CCSER1: variants seen among roughly 807,000 people sequenced by gnomAD.
CCSER1 encodes serine-rich coiled-coil domain-containing protein 1.
A neutral mutation model predicts 82.0 loss-of-function variants in CCSER1; 41 were observed. That is an observed-to-expected ratio of 0.50 (90% confidence interval 0.39 to 0.65). The LOEUF is 0.65. Ranked by LOEUF, CCSER1 falls within the 30% of genes least tolerant of loss-of-function variation. The pLI is 0.00. For synonymous variants in CCSER1, 414 were observed against 383.9 expected, an observed-to-expected ratio of 1.08 and a Z score of -0.92; for missense variants, 1,119 against 1,064.2, an observed-to-expected ratio of 1.05 and a Z score of -0.72.
At chr4:91,124,195 G>A (rs1727315694) in intron 10 of CCSER1, among the ~76,000 whole-genome samples, 2 of 151,368 alleles carry the variant, frequency 1.3e-5, no homozygotes, top group African/African-American at 4.8e-5. Context: ...CTAAATATTG[G>A]TAAACTATAC....
chr4:90,314,228 A>C (rs1735773001), intron 3 of CCSER1, among the ~76,000 whole-genome samples: 1 of 152,166 alleles, frequency 6.6e-6, no homozygotes, highest in African/African-American at 2.4e-5. Context: ...ATGTGTTTAC[A>C]TTTGTACATA....
chr4:91,106,065 G>C (rs181573555), intron 10 of CCSER1, among the ~76,000 whole-genome samples: 1 of 152,290 alleles, frequency 6.6e-6, no homozygotes, highest in African/African-American at 2.4e-5. Context: ...CAGAATGTTA[G>C]ATAAGGAATT....
At chr4:91,593,506 G>T (rs371489918) in intron 10 of CCSER1, among the ~76,000 whole-genome samples, 5 of 110,908 alleles carry the variant, frequency 4.5e-5, no homozygotes, top group East Asian at 2.3e-4. Context: ...TACAGACAGG[G>T]TTTCACCATG....
intron 1 of CCSER1, among the ~76,000 whole-genome samples, chr4:90,233,703 C>T (rs1423882752): frequency 6.8e-6 from 1 of 147,640 alleles, no homozygotes; most frequent in Non-Finnish European, 1.5e-5. Flanking sequence ...AAAGCCTTCG[C>T]AGTGAAGTGG....
chr4:90,756,420 A>G (rs1749537704), intron 7 of CCSER1, among the ~76,000 whole-genome samples: 1 of 148,932 alleles, frequency 6.7e-6, no homozygotes. Flanking sequence ...CAACATTTTT[A>G]GGAATGTTTC....
In CCSER1 at chr4:91,333,997, T is replaced by C. The variant is rs532825820; in HGVS notation, c.2217+248003T>C. On this transcript the variant is annotated intron_variant, in intron 10 of 10. Coordinates refer to ENST00000509176, the MANE Select transcript of CCSER1 (RefSeq NM_001145065.2). ...GAAGTTATTAATGTGTTTTGGAAAATGGACATCATCTATGTATTTTACCAA... is the reference window on the plus strand; with the variant it reads ...GAAGTTATTAATGTGTTTTGGAAAACGGACATCATCTATGTATTTTACCAA... Among the ~76,000 whole-genome samples, 17 of 152,194 alleles carry C rather than the reference T, an allele frequency of 1.1e-4. No individual in the cohort carries two copies. In the South Asian group the frequency reaches 2.1e-3, roughly 19 times the overall value.
At chr4:90,703,544 C>T (rs973412645) in intron 6 of CCSER1, among the ~76,000 whole-genome samples, 11 of 152,104 alleles carry the variant, frequency 7.2e-5, no homozygotes, top group Non-Finnish European at 1.5e-4. Context: ...CTTTCTGTCT[C>T]GTTGATCTGT....
intron 5 of CCSER1, among the ~76,000 whole-genome samples, chr4:90,625,879 C>T (rs907693514): frequency 4.6e-5 from 7 of 152,092 alleles, no homozygotes; most frequent in Non-Finnish European, 7.3e-5. Context: ...CAAAGATATT[C>T]AAATTTGTGA....
chr4:90,748,577 G>T (rs1747961560), intron 7 of CCSER1, among the ~76,000 whole-genome samples: 1 of 149,698 alleles, frequency 6.7e-6, no homozygotes, highest in Admixed American at 6.7e-5. Flanking sequence ...GAGTCAAATG[G>T]TATTTCCAGT....
At chr4:91,276,454 T>C (rs1742452526) in intron 10 of CCSER1, among the ~76,000 whole-genome samples, 1 of 152,002 alleles carries the variant, frequency 6.6e-6, no homozygotes, top group Admixed American at 6.6e-5. Context: ...CAGTTTATGA[T>C]TAGTATATAA....
intron 10 of CCSER1, among the ~76,000 whole-genome samples, chr4:91,364,465 G>A (rs966094975): frequency 2.0e-5 from 3 of 152,028 alleles, no homozygotes; most frequent in Admixed American, 2.0e-4. Context: ...TAGCACATGA[G>A]CGTTTCTGAG....
intron 7 of CCSER1, among the ~76,000 whole-genome samples, chr4:90,734,854 C>A (rs568077086): frequency 6.6e-6 from 1 of 152,218 alleles, no homozygotes; most frequent in African/African-American, 2.4e-5. Flanking sequence ...ACTTCCAGCA[C>A]TATATTGAAT....
At chr4:90,555,253 A>C (rs1777991213) in intron 5 of CCSER1, among the ~76,000 whole-genome samples, 1 of 152,104 alleles carries the variant, frequency 6.6e-6, no homozygotes, top group Non-Finnish European at 1.5e-5. Context: ...CAAGCCTGGC[A>C]AAAAATTTTT....
At chr4:91,518,974 T>A (rs1280414492) in intron 10 of CCSER1, among the ~76,000 whole-genome samples, 1 of 152,206 alleles carries the variant, frequency 6.6e-6, no homozygotes, top group African/African-American at 2.4e-5. Context: ...TTCCAGCGTA[T>A]TGACTAGGTC....
intron 3 of CCSER1, among the ~76,000 whole-genome samples, chr4:90,379,408 G>A (rs1748860118): frequency 6.6e-6 from 1 of 152,150 alleles, no homozygotes; most frequent in Admixed American, 6.6e-5. Context: ...CATAGTTGAG[G>A]CTCTGAGGTT....
At chr4:90,724,424 T>C (rs1049294683) in intron 7 of CCSER1, among the ~76,000 whole-genome samples, 3 of 151,730 alleles carry the variant, frequency 2.0e-5, no homozygotes, top group African/African-American at 7.3e-5. Flanking sequence ...AAATCAAGAG[T>C]TGAAATATGG....
chr4:90,593,787 C>A (rs557125371), intron 5 of CCSER1, among the ~76,000 whole-genome samples: 4 of 152,012 alleles, frequency 2.6e-5, no homozygotes, highest in African/African-American at 7.2e-5. Flanking sequence ...CAGGTAATTC[C>A]TATTATGTTG....
chr4:90,796,471 T>A (rs1756059525), intron 7 of CCSER1, among the ~76,000 whole-genome samples: 1 of 151,978 alleles, frequency 6.6e-6, no homozygotes, highest in South Asian at 2.1e-4. Context: ...GAAGGGTTTT[T>A]CTTGTCCCCA....
intron 9 of CCSER1, among the ~76,000 whole-genome samples, chr4:90,973,903 A>T (rs1735358135): frequency 6.6e-6 from 1 of 151,608 alleles, no homozygotes; most frequent in African/African-American, 2.4e-5. Context: ...TTGTAACAAC[A>T]TGAATGAACG....
Sources: allele counts gnomAD v4.1 joint callset (sites outside exome capture counted in the v4.1 genomes callset), GRCh38; gene constraint gnomAD v4.1.1; transcripts MANE v1.5; gene names NCBI Gene and HGNC (gene_info 2026-07-23, HGNC 2026-07-21).